The following GSTA3 variants were observed in gnomAD, a reference collection of about 807,000 sequenced individuals.
GSTA3 encodes glutathione S-transferase alpha 3.
A neutral mutation model predicts 23.1 loss-of-function variants in GSTA3; 16 were observed. The observed-to-expected ratio is 0.69, with a 90% CI of 0.47 to 1.05. The LOEUF (loss-of-function observed/expected upper bound fraction) is 1.05, where lower values mean the gene tolerates loss of function less well. GSTA3 is among the 50% of genes least tolerant of loss of function. GSTA3 has a pLI of 0.00. For missense variants in GSTA3, 319 were observed against 263.6 expected (o/e 1.21, Z -1.46); for synonymous variants, 122 against 91.0 (o/e 1.34, Z -1.94).
At chr6:52,900,394 CT>C (rs941618948) in intron 4 of GSTA3, among the ~76,000 whole-genome samples, 8 of 151,658 alleles carry the variant, frequency 5.3e-5, no homozygotes, top group African/African-American at 1.9e-4. Context: ...TCCAGAGTAG[CT>C]GGGATTACAG....
Position 52,902,453 on chromosome 6 carries a change from T to C in GSTA3, c.165A>G (p.Val55=), listed in dbSNP as rs757382643. 15 of 1,612,508 alleles carry C rather than the reference T, an allele frequency of 9.3e-6. No homozygotes were observed. The South Asian group carries it at 1.1e-4, about 12-fold the overall frequency. The change falls in exon 4 of 7, where the codon GTA becomes GTG. Residue 55 remains valine (V), a synonymous_variant. Transcript: ENST00000211122. Reference sequence around the variant, plus strand: ...TCATCCCATCAATCTCAACCATTGGTACTTGCTGGAACATCAAACTCCCAT... The same window carrying C: ...TCATCCCATCAATCTCAACCATTGGCACTTGCTGGAACATCAAACTCCCAT... ...RNDGSLMFQQ[V]PMVEIDGMKL...
Position 52,896,835 on chromosome 6 carries a change from C to G in GSTA3, c.640G>C (p.Glu214Gln), listed in dbSNP as rs765108264. The part of the protein sequence containing the change: ...RKPPADAKAL[E>Q]EARKIFRF ...AACCTGAAAATCTTTCTGGCTTCTTCTAAAGCTTTTGCATCTGCGGGAGGC... is the reference window on the plus strand; with the variant it reads ...AACCTGAAAATCTTTCTGGCTTCTTGTAAAGCTTTTGCATCTGCGGGAGGC... The change falls in exon 7 of 7, where the codon GAA (glutamate) becomes CAA (glutamine). Residue 214 changes from glutamate to glutamine, a missense_variant. Coordinates refer to ENST00000211122, the MANE Select transcript of GSTA3 (RefSeq NM_000847.5). 9 of 1,613,992 alleles carry G rather than the reference C, an allele frequency of 5.6e-6. No individual in the cohort carries two copies. The East Asian group carries it at 6.7e-5, about 12-fold the overall frequency.
intron 2 of GSTA3, 114 bp downstream of exon 2, chr6:52,905,634 T>C: frequency 1.7e-6 from 1 of 580,858 alleles, no homozygotes; most frequent in Non-Finnish European, 3.0e-6. Flanking sequence ...GGGGATGCTT[T>C]TATTTGAGGC....
Position 52,902,365 on chromosome 6 carries a change from C to A in GSTA3, c.253G>T (p.Asp85Tyr). 1.9e-6 allele frequency: 3 copies of A among 1,613,910 alleles called. No individual in the cohort carries two copies. In the South Asian group the frequency reaches 3.3e-5, roughly 18 times the overall value. Residue 85 changes from aspartate (D) to tyrosine (Y), a missense_variant, in exon 4 of 7, where the codon GAC becomes TAC. Transcript: ENST00000211122. ...CCGTACAGGGCTCTCTCCTTTATGT[C>A]TTTCCCGTAGAGGTTGTATTTGCTG... The part of the protein sequence containing the change: ...IASKYNLYGK[D>Y]IKERALIDMY...
chr6:52,906,674 C>A (rs1030517369), intron 1 of GSTA3, among the ~76,000 whole-genome samples: 263 of 152,082 alleles, frequency 1.7e-3, no homozygotes, highest in Non-Finnish European at 2.8e-3. Context: ...CTACAACTAT[C>A]TGATCTTTGA....
chr6:52,897,567 A>T (rs1414495037), intron 6 of GSTA3, among the ~76,000 whole-genome samples: 1 of 152,226 alleles, frequency 6.6e-6, no homozygotes, highest in Non-Finnish European at 1.5e-5. Flanking sequence ...GGAGGAAGGA[A>T]GATGCTGGGC....
At chr6:52,899,098 G>A (rs1421654745) in intron 5 of GSTA3, among the ~76,000 whole-genome samples, 3 of 152,140 alleles carry the variant, frequency 2.0e-5, no homozygotes, top group Non-Finnish European at 4.4e-5. Flanking sequence ...GAATGAGTTA[G>A]GGTAGAGCAG....
chr6:52,905,777 G>A lies in GSTA3; in HGVS notation c.58C>T (p.Arg20Trp), dbSNP rs370423929. Residue 20 changes from arginine to tryptophan, a missense_variant, in exon 2 of 7, where the codon CGG becomes TGG. Physicochemically the swap from Arg to Trp is moderately radical, Grantham distance 101 (BLOSUM62 -3). Coordinates refer to ENST00000211122, the MANE Select transcript of GSTA3 (RefSeq NM_000847.5). ...FNGRGRMEPI[R>W]WLLAAAGVEF... ...ACTCCAGCTGCAGCCAAGAGCCACC[G>A]GATGGGCTCCATTCTGCCCCGTCCA... The A allele has an allele frequency of 1.4e-5, 23 of 1,609,300 alleles. No homozygotes were observed. Among genetic ancestry groups the A allele is most frequent in the East Asian group, 8.9e-5 (4 of 44,766 alleles).
intron 4 of GSTA3, among the ~76,000 whole-genome samples, chr6:52,901,440 A>G (rs1420930575): frequency 2.0e-5 from 3 of 152,224 alleles, no homozygotes; most frequent in Non-Finnish European, 2.9e-5. Flanking sequence ...ACTTTCTTGT[A>G]GCATGCATCA....
intron 1 of GSTA3, among the ~76,000 whole-genome samples, 178 bp downstream of exon 1, chr6:52,909,463 A>G (rs1368902185): frequency 1.3e-5 from 2 of 152,090 alleles, no homozygotes; most frequent in Non-Finnish European, 2.9e-5. Context: ...GTTGAATATT[A>G]TTTTTCTTTA....
At chr6:52,905,562 C>CTT (rs1486698874) in intron 2 of GSTA3, among the ~76,000 whole-genome samples, 186 bp downstream of exon 2, 1 of 151,044 alleles carries the variant, frequency 6.6e-6, no homozygotes, top group Admixed American at 6.6e-5. Flanking sequence ...TTCATGTGCT[C>CTT]TTTAATGGAC....
At chr6:52,907,480 C>A (rs1428490597) in intron 1 of GSTA3, among the ~76,000 whole-genome samples, 2 of 150,268 alleles carry the variant, frequency 1.3e-5, no homozygotes, top group African/African-American at 2.5e-5. Flanking sequence ...TGGGTATATA[C>A]CGAAAGGACT....
At position 52,902,391 on chromosome 6, in the gene GSTA3, G is replaced by A. The variant is rs1184014506; in HGVS notation, c.227C>T (p.Ala76Val). The change falls in exon 4 of 7, where the codon GCC becomes GTC. Residue 76 changes from alanine (A) to valine (V), a missense_variant. Physicochemically the swap from Ala to Val is moderately conservative, Grantham distance 64 (BLOSUM62 0). Coordinates refer to ENST00000211122, the MANE Select transcript of GSTA3 (RefSeq NM_000847.5). ...TTTCCCGTAGAGGTTGTATTTGCTG[G>A]CAATGTAGTTGAGAATGGCTCTGGT... is the stretch of plus-strand genomic sequence containing the variant. ...VQTRAILNYI[A>V]SKYNLYGKDI... The A allele has an allele frequency of 3.7e-6, 6 of 1,613,964 alleles. No individual in the cohort carries two copies. The highest frequency in any genetic ancestry group is 5.1e-6 in the Non-Finnish European group (6 of 1,179,900).
At position 52,903,309 on chromosome 6, in the gene GSTA3, C is replaced by T. The variant is rs189046594; in HGVS notation, c.139+367G>A. On this transcript the variant is annotated intron_variant, in intron 3 of 6. Transcript: ENST00000211122. ...TGGTGTTAAAATCTTCAACTGTGGCCGGGCACGGTGGCTCACACCTGTAAT... is the reference window on the plus strand; with the variant it reads ...TGGTGTTAAAATCTTCAACTGTGGCTGGGCACGGTGGCTCACACCTGTAAT... Among the ~76,000 whole-genome samples the T allele has an allele frequency of 1.1e-4, 16 of 151,994 alleles. No homozygotes were observed. The East Asian group carries it at 1.7e-3, about 17-fold the overall frequency.
In GSTA3 at chr6:52,902,946, C is replaced by G. The variant is rs147813637; in HGVS notation, c.140-468G>C. On this transcript the variant is annotated intron_variant, in intron 3 of 6. Transcript: ENST00000211122. Reference sequence around the variant, plus strand: ...CAGTATTACTACAATATGACCTTATCACATGACCCATGAAAGAAAACAACT... The same window carrying G: ...CAGTATTACTACAATATGACCTTATGACATGACCCATGAAAGAAAACAACT... Among the ~76,000 whole-genome samples the G allele has an allele frequency of 4.1e-3, 628 of 152,262 alleles. 3 individuals are homozygous for G. Among genetic ancestry groups the G allele is most frequent in the African/African-American group, 0.014 (601 of 41,542 alleles).
At chr6:52,908,356 A>T (rs45554536) in intron 1 of GSTA3, among the ~76,000 whole-genome samples, 1,906 of 149,898 alleles carry the variant, frequency 0.013, 44 homozygotes, top group African/African-American at 0.044. Context: ...GTCTCTATTT[A>T]AAAAAAAAAT....
chr6:52,897,070 C>T, intron 6 of GSTA3, 142 bp from the exon 7 acceptor site: 1 of 1,187,970 alleles, frequency 8.4e-7, no homozygotes, highest in Non-Finnish European at 1.2e-6. Context: ...AACAGACACC[C>T]AGTGATAAAT....
chr6:52,899,414 G>A (rs1385504361), intron 5 of GSTA3, among the ~76,000 whole-genome samples: 1 of 152,124 alleles, frequency 6.6e-6, no homozygotes, highest in Admixed American at 6.6e-5. Context: ...ACTGACGTCT[G>A]CAACTTACTT....
intron 1 of GSTA3, 32 bp from the exon 2 acceptor site, chr6:52,905,887 G>T: frequency 1.8e-6 from 2 of 1,085,074 alleles, no homozygotes; most frequent in Admixed American, 3.8e-5. Context: ...ATGAATGGAT[G>T]AATGAATGAG....
Sources: gnomAD v4.1 joint callset for allele counts (sites outside exome capture counted in the v4.1 genomes callset) on GRCh38, gnomAD v4.1.1 for gene constraint, MANE v1.5 for transcripts, NCBI Gene and HGNC (gene_info 2026-07-23, HGNC 2026-07-21) for gene names.